The following SNED1 variants were observed in gnomAD, a reference collection of about 807,000 sequenced individuals.
The protein encoded by SNED1 is sushi, nidogen and EGF like domains 1.
A neutral mutation model predicts 166.7 loss-of-function variants in SNED1; 81 were observed. That is an observed-to-expected ratio of 0.49 (90% CI 0.41 to 0.58). The LOEUF is 0.58. Ranked by LOEUF, SNED1 falls within the 20% of genes least tolerant of loss-of-function variation. The probability of loss-of-function intolerance (pLI) is 0.00; values close to 1 mark genes in which losing one functional copy is unlikely to be tolerated. For missense variants in SNED1, 1,604 were observed against 2,000.2 expected (o/e 0.80, Z 3.78); for synonymous variants, 762 against 822.0 (o/e 0.93, Z 1.25).
intron 29 of SNED1, among the ~76,000 whole-genome samples, chr2:241,085,860 C>CTTTTTTT (rs772995766): frequency 2.1e-4 from 17 of 79,158 alleles, no homozygotes; most frequent in Non-Finnish European, 3.1e-4. Context: ...TCTGCGGTTT[C>CTTTTTTT]TTTTTTTTTT....
chr2:241,073,484 G>A lies in SNED1; in HGVS notation c.3916+120G>A, dbSNP rs1261763499. 6.0e-6 allele frequency: 5 copies of A among 833,734 alleles called. No individual in the cohort carries two copies. The highest frequency in any genetic ancestry group is 1.0e-5 in the Non-Finnish European group (5 of 498,626). The allele number at this position is 833,734 out of a possible 1,614,324, so 51.6% of individuals were successfully genotyped here. ...ATCAGGAGGCACAGAGCCTACCTGA[G>A]GGGAGGCTGAGCACCAGGCACCCCG... is the stretch of plus-strand genomic sequence containing the variant. On this transcript the variant is annotated intron_variant, in intron 27 of 31. Coordinates refer to ENST00000310397, the MANE Select transcript of SNED1 (RefSeq NM_001080437.3). The surrounding 1 kb of genome is among the most constrained non-coding windows in gnomAD (Gnocchi z 6.6).
intron 1 of SNED1, among the ~76,000 whole-genome samples, chr2:241,000,548 A>C (rs1006095419): frequency 6.6e-5 from 10 of 152,186 alleles, no homozygotes; most frequent in African/African-American, 1.9e-4. Flanking sequence ...AACAGAACTC[A>C]AGAGGCTCCT....
chr2:241,067,321 T>G (rs7559967), intron 21 of SNED1, among the ~76,000 whole-genome samples: 1 of 152,106 alleles, frequency 6.6e-6, no homozygotes, highest in African/African-American at 2.4e-5. Flanking sequence ...TCCCTGCAGT[T>G]GCTGGGAGTT....
chr2:241,059,547 T>G (rs954488790), intron 16 of SNED1, among the ~76,000 whole-genome samples: 2 of 152,186 alleles, frequency 1.3e-5, no homozygotes, highest in Non-Finnish European at 2.9e-5. Context: ...AAAATATTAC[T>G]AAGTCAAGCT....
rs1034782046 is a variant in SNED1, at chr2:241,051,097, G to A, written c.1736-647G>A. ...CTGGCAGGAGAGGAGCGAGCACAGT[G>A]GGGCAGGCCCCTCCCGCCACTCAGA... On this transcript the variant is annotated intron_variant, in intron 12 of 31. Coordinates refer to ENST00000310397, the MANE Select transcript of SNED1 (RefSeq NM_001080437.3). The surrounding 1 kb of genome is among the most constrained non-coding windows in gnomAD (Gnocchi z 4.7). Among the ~76,000 whole-genome samples the A allele has an allele frequency of 4.6e-5, 7 of 152,320 alleles. No individual in the cohort carries two copies. The highest frequency in any genetic ancestry group is 1.3e-4 in the Admixed American group (2 of 15,312).
intron 16 of SNED1, among the ~76,000 whole-genome samples, chr2:241,057,408 T>TATATATATATATATATATGC (rs1255227866): frequency 8.4e-6 from 1 of 119,204 alleles, no homozygotes; most frequent in African/African-American, 3.1e-5. Flanking sequence ...TATATATATA[T>TATATATATATATATATATGC]ATATGCCATA....
At chr2:241,057,630 G>C (rs2062099383) in intron 16 of SNED1, among the ~76,000 whole-genome samples, 1 of 151,770 alleles carries the variant, frequency 6.6e-6, no homozygotes, top group African/African-American at 2.4e-5. Context: ...GCTATAGTGA[G>C]CTATGATCAT....
At chr2:241,059,407 A>AAACTCAATTGATACCC (rs1472966331) in intron 16 of SNED1, among the ~76,000 whole-genome samples, 3 of 152,252 alleles carry the variant, frequency 2.0e-5, no homozygotes, top group Non-Finnish European at 4.4e-5. Flanking sequence ...ATTTGATACC[A>AAACTCAATTGATACCC]AACTCAATTG....
At chr2:241,001,648 G>A (rs1051646525) in intron 1 of SNED1, among the ~76,000 whole-genome samples, 8 of 152,230 alleles carry the variant, frequency 5.3e-5, no homozygotes, top group African/African-American at 7.2e-5. Context: ...GGAGCTTGCC[G>A]CGGTCTGTGG....
chr2:241,049,941 G>A lies in SNED1; in HGVS notation c.1735+8G>A, dbSNP rs764489965. On this transcript the variant is annotated splice_region_variant and intron_variant, in intron 12 of 31. Coordinates refer to ENST00000310397, the MANE Select transcript of SNED1 (RefSeq NM_001080437.3). ...GCAAGCACTGCGAGAAAGGTATGGC[G>A]GGCAGGGGCGTCCGGGCCGGCGTCA... is the stretch of plus-strand genomic sequence containing the variant. 2.5e-5 allele frequency: 40 copies of A among 1,607,180 alleles called. No individual in the cohort carries two copies. The highest frequency in any genetic ancestry group is 8.9e-5 in the East Asian group (4 of 44,848).
At chr2:241,044,695 C>T (rs1574971490) in intron 8 of SNED1, among the ~76,000 whole-genome samples, 1 of 152,144 alleles carries the variant, frequency 6.6e-6, no homozygotes, top group African/African-American at 2.4e-5. Context: ...GTTGGGGAAT[C>T]CTCAAGTGCC....
intron 21 of SNED1, among the ~76,000 whole-genome samples, chr2:241,066,631 T>C (rs56656493): frequency 0.014 from 1,415 of 98,000 alleles, 25 homozygotes; most frequent in African/African-American, 0.041. Flanking sequence ...GCGTGATGGA[T>C]GGATGGGTGG....
At chr2:241,016,443 G>A (rs986251170) in intron 1 of SNED1, among the ~76,000 whole-genome samples, 1 of 152,066 alleles carries the variant, frequency 6.6e-6, no homozygotes, top group African/African-American at 2.4e-5. Flanking sequence ...TGATCCTCCT[G>A]CCTCGGCCTC....
chr2:241,044,289 C>T (rs141009128), intron 8 of SNED1, among the ~76,000 whole-genome samples: 66 of 152,276 alleles, frequency 4.3e-4, no homozygotes, highest in African/African-American at 1.5e-3. Flanking sequence ...CAATACCCAA[C>T]TATATGCTGT....
chr2:241,089,085 C>G, intron 31 of SNED1: 1 of 459,848 alleles, frequency 2.2e-6, no homozygotes, highest in South Asian at 3.9e-5. Flanking sequence ...CCCACACAAA[C>G]TGCCGAATCT....
chr2:241,093,471 C>T lies in SNED1; in HGVS notation c.*1835C>T, dbSNP rs1339101446. Reference sequence around the variant, plus strand: ...TGTTAGCTTAGAAGCCTTGTGTCAACAAGAACTGGCTCCTGAGTCCCAAGC... The same window carrying T: ...TGTTAGCTTAGAAGCCTTGTGTCAATAAGAACTGGCTCCTGAGTCCCAAGC... On this transcript the variant is annotated 3_prime_UTR_variant, in exon 32 of 32. Transcript: ENST00000310397. The T allele has an allele frequency of 8.7e-6, 1 of 115,094 alleles. No homozygotes were observed. Among genetic ancestry groups the T allele is most frequent in the African/African-American group, 4.9e-5 (1 of 20,520 alleles). The allele number at this position is 115,094 out of a possible 1,614,324, so 7.1% of individuals were successfully genotyped here.
chr2:241,012,146 G>C (rs557557783), intron 1 of SNED1, among the ~76,000 whole-genome samples: 1 of 152,190 alleles, frequency 6.6e-6, no homozygotes, highest in Non-Finnish European at 1.5e-5. Flanking sequence ...GGGGTGCGGC[G>C]AGGGGCAGAG....
intron 16 of SNED1, 140 bp downstream of exon 16, chr2:241,053,466 C>G: frequency 1.2e-6 from 1 of 851,128 alleles, no homozygotes; most frequent in Non-Finnish European, 1.8e-6. Flanking sequence ...CCCTCAGTCT[C>G]CTGTCTGTGA....
At chr2:241,047,845 T>C (rs2061694908) in intron 8 of SNED1, among the ~76,000 whole-genome samples, 1 of 152,106 alleles carries the variant, frequency 6.6e-6, no homozygotes, top group South Asian at 2.1e-4. Flanking sequence ...CTTCTTGTTC[T>C]GTCCAATCCC....
Sources: gnomAD v4.1 joint callset for allele counts (sites outside exome capture counted in the v4.1 genomes callset) on GRCh38, gnomAD v4.1.1 for gene constraint, Gnocchi (gnomAD v3.1) non-coding constraint, MANE v1.5 for transcripts, NCBI Gene and HGNC (gene_info 2026-07-23, HGNC 2026-07-21) for gene names.